Variants in CC2D2A observed in about 807,000 individuals in gnomAD.
CC2D2A encodes the protein coiled-coil and C2 domain-containing protein 2A.
In CC2D2A, 155 loss-of-function variants were observed where a neutral mutation model predicts 212.9. The ratio of observed to expected loss-of-function variants is 0.73; its 90% CI spans 0.64 to 0.83. The LOEUF is 0.83. CC2D2A is among the 40% of genes least tolerant of loss of function. CC2D2A has a pLI of 0.00. For synonymous variants in CC2D2A, 667 were observed against 686.5 expected (o/e 0.97, Z 0.44); for missense variants, 1,856 against 1,956.2 (o/e 0.95, Z 0.97).
intron 11 of CC2D2A, among the ~76,000 whole-genome samples, chr4:15,518,824 G>A (rs10939619): frequency 0.3 from 45,364 of 152,126 alleles, 7,630 homozygotes; most frequent in Non-Finnish European, 0.39. Flanking sequence ...TGGGACACAG[G>A]GCATCAAGTC....
chr4:15,553,395 T>G lies in CC2D2A; in HGVS notation c.2486+90T>G, dbSNP rs1719107345. 4 of 1,377,568 alleles carry G rather than the reference T, an allele frequency of 2.9e-6. 1 individual carries two copies. In the South Asian group the frequency reaches 5.5e-5, roughly 19 times the overall value. The allele number at this position is 1,377,568 out of a possible 1,614,324, so 85.3% of individuals were successfully genotyped here. On this transcript the variant is annotated intron_variant, in intron 19 of 36. Transcript: ENST00000424120. ...AAAGAAAGCTTGCAGTATCATATTC[T>G]TTCCTTTTATTGTCAGGTGCCAGTA...
At chr4:15,547,871 C>A (rs1382458593) in intron 17 of CC2D2A, among the ~76,000 whole-genome samples, 2 of 151,938 alleles carry the variant, frequency 1.3e-5, no homozygotes, top group Non-Finnish European at 2.9e-5. Flanking sequence ...GAAACCCCGT[C>A]TCTATTAAAA....
At chr4:15,553,602 G>C (rs1242053773) in intron 19 of CC2D2A, among the ~76,000 whole-genome samples, 2 of 152,154 alleles carry the variant, frequency 1.3e-5, no homozygotes, top group Non-Finnish European at 2.9e-5. Context: ...TTTTACAGAT[G>C]GGGGAGATGC....
chr4:15,470,614 A>G (rs968868316), intron 1 of CC2D2A, among the ~76,000 whole-genome samples: 2 of 142,932 alleles, frequency 1.4e-5, no homozygotes, highest in African/African-American at 2.7e-5. Context: ...TTTTCATATA[A>G]CCTTTTCTGC....
At chr4:15,487,336 T>C (rs931254397) in intron 4 of CC2D2A, among the ~76,000 whole-genome samples, 7 of 152,250 alleles carry the variant, frequency 4.6e-5, no homozygotes, top group East Asian at 1.9e-4. Context: ...ATTGGGTGCC[T>C]ATGTATTTAC....
intron 5 of CC2D2A, 104 bp downstream of exon 5, chr4:15,502,621 T>A: frequency 1.8e-6 from 2 of 1,102,522 alleles, no homozygotes; most frequent in Non-Finnish European, 2.6e-6. Flanking sequence ...TGAATACCAT[T>A]CAATTTGTCT....
chr4:15,579,859 C>T (rs1040617638), intron 29 of CC2D2A, 109 bp from the exon 30 acceptor site: 6 of 816,002 alleles, frequency 7.4e-6, no homozygotes, highest in African/African-American at 1.7e-5. Flanking sequence ...TGTAAGGAGT[C>T]AGTCATATTC....
intron 34 of CC2D2A, among the ~76,000 whole-genome samples, chr4:15,597,064 G>A (rs1721352507): frequency 6.6e-6 from 1 of 152,148 alleles, no homozygotes; most frequent in Non-Finnish European, 1.5e-5. Flanking sequence ...TAAACACATT[G>A]TGTTAATGAA....
chr4:15,563,982 CAG>C (rs1719746748), intron 24 of CC2D2A: 1 of 168,022 alleles, frequency 6.0e-6, no homozygotes, highest in South Asian at 1.5e-4. Flanking sequence ...GAGACAGGGT[CAG>C]AAGCACCAGC....
chr4:15,518,346 T>A (rs1717002902), intron 11 of CC2D2A, among the ~76,000 whole-genome samples: 1 of 152,234 alleles, frequency 6.6e-6, no homozygotes, highest in South Asian at 2.1e-4. Flanking sequence ...ATGCAAGAGT[T>A]AGGTTCCCAT....
intron 29 of CC2D2A, among the ~76,000 whole-genome samples, chr4:15,579,314 A>G (rs895303775): frequency 2.6e-5 from 4 of 151,930 alleles, no homozygotes; most frequent in African/African-American, 7.3e-5. Flanking sequence ...AGGTGACAGA[A>G]TAAGACCCTG....
At position 15,560,510 on chromosome 4, in the gene CC2D2A, TA is replaced by T; in HGVS notation, c.2923-19del. The stretch of plus-strand genomic sequence containing the variant: ...GAAGTTTAAATAATAACATTTTAAA[TA>T]AGCTGATTTCTTTCCCCAGGTTAGA... On this transcript the variant is annotated intron_variant, in intron 22 of 36. Coordinates refer to ENST00000424120, the MANE Select transcript of CC2D2A (RefSeq NM_001378615.1). The T allele has an allele frequency of 8.1e-7, 1 of 1,235,354 alleles. No individual in the cohort carries two copies. Among genetic ancestry groups the T allele is most frequent in the African/African-American group, 1.5e-5 (1 of 66,556 alleles). 76.5% of individuals were successfully genotyped at this position (1,235,354 alleles called of 1,614,324 possible). A position where few individuals can be genotyped will look rare whatever the true frequency, so the allele number is the denominator to read the frequency against.
rs768671491 is a variant in CC2D2A, at chr4:15,537,119, A to C, written c.1764+43A>C. ...CAGCCTGGAATAGGGCTGGCCAGGA[A>C]GTGTCTGGGAGGGCAGCCTCCAGTA... On this transcript the variant is annotated intron_variant, in intron 15 of 36. Transcript: ENST00000424120. The C allele has an allele frequency of 3.1e-6, 5 of 1,590,950 alleles. No individual in the cohort carries two copies. In the South Asian group the frequency reaches 5.7e-5, roughly 18 times the overall value.
chr4:15,589,438 T>C, intron 32 of CC2D2A, 107 bp from the exon 33 acceptor site: 1 of 968,712 alleles, frequency 1.0e-6, no homozygotes, highest in Non-Finnish European at 1.5e-6. Context: ...CCATGAAATT[T>C]CAGAAATTAA....
intron 24 of CC2D2A, among the ~76,000 whole-genome samples, chr4:15,565,453 T>C (rs1719840326): frequency 1.3e-5 from 2 of 148,926 alleles, no homozygotes; most frequent in Admixed American, 1.4e-4. Context: ...TGACCATCCC[T>C]CTAGTCTAAT....
rs886059181 is a variant in CC2D2A, at chr4:15,567,394, C to T, written c.3200C>T (p.Ser1067Leu). The part of the protein sequence containing the change: ...KPAVSKFQQP[S>L]RSSRMFSEKH... ...TCTCCTAGCAAATTCCAGCAGCCGT[C>T]GAGGTCTTCAAGGATGTTCAGTGAA... Residue 1067 changes from serine to leucine, a missense_variant, in exon 25 of 37, where the codon TCG (serine) becomes TTG (leucine). Ser to Leu is a moderately radical substitution (Grantham distance 145). Coordinates refer to ENST00000424120, the MANE Select transcript of CC2D2A (RefSeq NM_001378615.1). The T allele has an allele frequency of 5.6e-6, 9 of 1,613,062 alleles. No homozygotes were observed. Among genetic ancestry groups the T allele is most frequent in the African/African-American group, 4.0e-5 (3 of 74,870 alleles).
At chr4:15,473,276 G>A (rs536988131) in intron 1 of CC2D2A, 13 of 152,326 alleles carry the variant, frequency 8.5e-5, no homozygotes, top group Admixed American at 6.5e-4. Context: ...ATGTTGAGTG[G>A]TAATAAGTAC....
intron 11 of CC2D2A, among the ~76,000 whole-genome samples, chr4:15,526,708 A>G (rs1424329940): frequency 6.6e-6 from 1 of 152,186 alleles, no homozygotes; most frequent in East Asian, 1.9e-4. Context: ...AAAGGCACAA[A>G]ATCAAAGATG....
Position 15,599,648 on chromosome 4 carries a change from GAGA to G in CC2D2A, c.4620_4622del (p.Glu1540del). ...TTGCCTCTGTTAGAAAAAAGTCAAGGAGAAGATGTAGAAGATGACCACAGAGCA... is the reference window on the plus strand; with the variant it reads ...TTGCCTCTGTTAGAAAAAAGTCAAGGAGATGTAGAAGATGACCACAGAGCA... On this transcript the variant is annotated inframe_deletion, in exon 36 of 37. Transcript: ENST00000424120. The G allele has an allele frequency of 6.2e-7, 1 of 1,613,626 alleles. No homozygotes were observed. The highest frequency in any genetic ancestry group is 1.7e-5 in the Admixed American group (1 of 59,996).
Sources: allele counts gnomAD v4.1 joint callset (sites outside exome capture counted in the v4.1 genomes callset), GRCh38; gene constraint gnomAD v4.1.1; transcripts MANE v1.5; gene names NCBI Gene and HGNC (gene_info 2026-07-23, HGNC 2026-07-21).